RIMS1: variants seen among roughly 807,000 people sequenced by gnomAD.
RIMS1 encodes regulating synaptic membrane exocytosis 1, also known as regulating synaptic membrane exocytosis protein 1.
In RIMS1, 83 loss-of-function variants were observed where a neutral mutation model predicts 214.1. The ratio of observed to expected loss-of-function variants is 0.39; its 90% CI spans 0.32 to 0.47. RIMS1 has a LOEUF of 0.47. Among genes scored for constraint, RIMS1 ranks in the 20% least tolerant of loss-of-function variants. The pLI, the probability that RIMS1 is intolerant of heterozygous loss-of-function variation, is 0.99. For synonymous variants in RIMS1, 793 were observed against 786.8 expected (o/e 1.01, Z -0.13); for missense variants, 2,050 against 2,161.8 (o/e 0.95, Z 1.03).
intron 1 of RIMS1, among the ~76,000 whole-genome samples, chr6:71,907,214 G>T (rs1775497133): frequency 6.6e-6 from 1 of 152,070 alleles, no homozygotes; most frequent in South Asian, 2.1e-4. Context: ...TTTTACTAAG[G>T]AAGCATTTTG....
At chr6:71,992,404 C>CTTTCTTTCTTTCTTTCTTTCTT (rs200339642) in intron 2 of RIMS1, among the ~76,000 whole-genome samples, 613 of 110,152 alleles carry the variant, frequency 5.6e-3, no homozygotes, top group Non-Finnish European at 7.1e-3. Flanking sequence ...TTCTCTCTCT[C>CTTTCTTTCTTTCTTTCTTTCTT]TCTTTCTTTC....
chr6:71,956,409 G>T (rs894032063), intron 1 of RIMS1, among the ~76,000 whole-genome samples: 1 of 152,014 alleles, frequency 6.6e-6, no homozygotes, highest in East Asian at 1.9e-4. Flanking sequence ...TGTTTACTAT[G>T]TAAACAGAGT....
chr6:71,989,259 T>G (rs1013390941), intron 2 of RIMS1, among the ~76,000 whole-genome samples: 11 of 152,310 alleles, frequency 7.2e-5, no homozygotes, highest in Middle Eastern at 3.4e-3. Flanking sequence ...GTACAGTGAC[T>G]AGCACATAAC....
Position 71,886,922 on chromosome 6 carries a change from C to T in RIMS1, c.-102C>T. On this transcript the variant is annotated 5_prime_UTR_variant, in exon 1 of 34. Coordinates refer to ENST00000521978, the MANE Select transcript of RIMS1 (RefSeq NM_014989.7). Reference sequence around the variant, plus strand: ...GCTGCTCCTCCTCCTGCCGCCGCCGCTAGGGCTCCGCTGTGAGGGGGAAGC... The same window carrying T: ...GCTGCTCCTCCTCCTGCCGCCGCCGTTAGGGCTCCGCTGTGAGGGGGAAGC... The T allele has an allele frequency of 1.4e-6, 2 of 1,404,530 alleles. No homozygotes were observed. The highest frequency in any genetic ancestry group is 1.9e-6 in the Non-Finnish European group (2 of 1,028,000). 87.0% of individuals were successfully genotyped at this position (1,404,530 alleles called of 1,614,324 possible). A position where few individuals can be genotyped will look rare whatever the true frequency, so the allele number is the denominator to read the frequency against.
intron 23 of RIMS1, among the ~76,000 whole-genome samples, chr6:72,282,907 A>G (rs201229310): frequency 1.3e-5 from 2 of 152,062 alleles, no homozygotes; most frequent in East Asian, 3.9e-4. Context: ...GAAACCCTGA[A>G]TTGAAGGGGC....
chr6:72,173,302 A>G (rs2047272866), intron 4 of RIMS1, among the ~76,000 whole-genome samples: 1 of 151,704 alleles, frequency 6.6e-6, no homozygotes, highest in Non-Finnish European at 1.5e-5. Context: ...TTTCATAATG[A>G]TTTTTATCTT....
rs188888562 is a variant in RIMS1, at chr6:72,189,609, C to G, written c.1678+6460C>G. 4.2e-3 allele frequency among the ~76,000 whole-genome samples: 636 copies of G among 152,302 alleles called. 8 individuals are homozygous for G. The highest frequency in any genetic ancestry group is 0.015 in the African/African-American group (617 of 41,552). On this transcript the variant is annotated intron_variant, in intron 6 of 33. Transcript: ENST00000521978. ...TGCCACCAAGTAGCTGGCTGATCACCCCAAGGAATGGTGCCATATTAAGGG... is the reference window on the plus strand; with the variant it reads ...TGCCACCAAGTAGCTGGCTGATCACGCCAAGGAATGGTGCCATATTAAGGG...
intron 29 of RIMS1, among the ~76,000 whole-genome samples, chr6:72,355,182 G>T (rs1190044189): frequency 6.6e-6 from 1 of 152,088 alleles, no homozygotes; most frequent in Non-Finnish European, 1.5e-5. Flanking sequence ...GGGTTAAAGG[G>T]ACATACAACT....
intron 4 of RIMS1, 50 bp downstream of exon 4, chr6:72,100,036 A>C (rs2033142430): frequency 6.8e-7 from 1 of 1,464,518 alleles, no homozygotes; most frequent in Admixed American, 1.7e-5. Flanking sequence ...ATTGTTGTGA[A>C]CTTTATTAAG....
intron 6 of RIMS1, among the ~76,000 whole-genome samples, chr6:72,198,836 T>G (rs1312785559): frequency 7.9e-5 from 12 of 152,010 alleles, no homozygotes; most frequent in Admixed American, 7.9e-4. Flanking sequence ...AAAGTAATTT[T>G]GAAACCGCAA....
chr6:72,026,276 C>G (rs1182752299), intron 2 of RIMS1, among the ~76,000 whole-genome samples: 2 of 152,092 alleles, frequency 1.3e-5, no homozygotes, highest in Non-Finnish European at 2.9e-5. Context: ...TCTGATGGCT[C>G]TACTTTCCAC....
chr6:72,283,648 C>A lies in RIMS1; in HGVS notation c.3483-399C>A, dbSNP rs542522306. On this transcript the variant is annotated intron_variant, in intron 23 of 33. Coordinates refer to ENST00000521978, the MANE Select transcript of RIMS1 (RefSeq NM_014989.7). ...ACTTGTAAAAGTAGGGGGCATTTCA[C>A]CCCTTTGAAGCCTTTCAGCACCTAA... Among the ~76,000 whole-genome samples the A allele has an allele frequency of 2.0e-5, 3 of 152,214 alleles. No individual in the cohort carries two copies. The East Asian group carries it at 5.8e-4, about 29-fold the overall frequency.
At chr6:72,098,463 T>G (rs1053971881) in intron 3 of RIMS1, among the ~76,000 whole-genome samples, 1 of 151,986 alleles carries the variant, frequency 6.6e-6, no homozygotes, top group South Asian at 2.1e-4. Flanking sequence ...CCTAGCTAAT[T>G]TTTGTATTTT....
chr6:72,057,608 C>G (rs1377916314), intron 2 of RIMS1, among the ~76,000 whole-genome samples: 1 of 150,494 alleles, frequency 6.6e-6, no homozygotes, highest in Admixed American at 6.6e-5. Context: ...CCCAGGTTTA[C>G]GCCATTCTCC....
At chr6:71,917,187 G>A (rs1269138472) in intron 1 of RIMS1, among the ~76,000 whole-genome samples, 2 of 152,146 alleles carry the variant, frequency 1.3e-5, no homozygotes, top group Admixed American at 6.6e-5. Flanking sequence ...GCTTAAAACA[G>A]TGCCTGTCAC....
intron 2 of RIMS1, among the ~76,000 whole-genome samples, chr6:71,994,954 GA>G (rs950223494): frequency 2.0e-5 from 3 of 152,200 alleles, no homozygotes; most frequent in Non-Finnish European, 4.4e-5. Flanking sequence ...CTTCAGCAAA[GA>G]AATTATTTTG....
At chr6:72,280,134 T>C (rs1293585769) in intron 23 of RIMS1, among the ~76,000 whole-genome samples, 1 of 151,978 alleles carries the variant, frequency 6.6e-6, no homozygotes, top group Non-Finnish European at 1.5e-5. Flanking sequence ...TCAAATTTAA[T>C]GATAATACTC....
At chr6:72,058,671 A>G (rs974341748) in intron 2 of RIMS1, among the ~76,000 whole-genome samples, 14 of 151,992 alleles carry the variant, frequency 9.2e-5, no homozygotes, top group African/African-American at 3.4e-4. Context: ...TTTTTCTTGA[A>G]TTATTGACAG....
chr6:72,250,985 T>C lies in RIMS1; in HGVS notation c.2437T>C (p.Phe813Leu), dbSNP rs1335897391. The C allele has an allele frequency of 6.4e-7, 1 of 1,554,374 alleles. No individual in the cohort carries two copies. The highest frequency in any genetic ancestry group is 8.7e-7 in the Non-Finnish European group (1 of 1,149,030). Residue 813 changes from phenylalanine to leucine, a missense_variant, in exon 14 of 34, where the codon TTT becomes CTT. This residue lies in a region of RIMS1 where 889 missense variants were observed against 885.5 expected (regional missense o/e 1.00). Transcript: ENST00000521978. ...ACTAGAACCAAAATGGAATCAAACT[T>C]TTGTCTATTCACATGTACATCGTAG... Reference protein sequence around the residue: ...KILEPKWNQTFVYSHVHRRDF... With the variant: ...KILEPKWNQTLVYSHVHRRDF...
Sources: allele counts gnomAD v4.1 joint callset (sites outside exome capture counted in the v4.1 genomes callset), GRCh38; gene constraint gnomAD v4.1.1; regional missense constraint gnomAD v4.1.1; transcripts MANE v1.5; gene names NCBI Gene and HGNC (gene_info 2026-07-23, HGNC 2026-07-21).